Variants in TTLL11 observed in about 807,000 individuals in gnomAD.
TTLL11 encodes tubulin tyrosine ligase like 11.
Under a neutral mutation model 51.7 loss-of-function variants are expected in TTLL11, and 42 were observed. The observed-to-expected ratio is 0.81, with a 90% CI of 0.64 to 1.05. The LOEUF (loss-of-function observed/expected upper bound fraction) is 1.05, where lower values mean the gene tolerates loss of function less well. Among genes scored for constraint, TTLL11 ranks in the 50% least tolerant of loss-of-function variants. TTLL11 has a pLI of 0.00. For missense variants in TTLL11, 799 were observed against 940.4 expected (o/e 0.85, Z 1.97); for synonymous variants, 381 against 383.5 (o/e 0.99, Z 0.08).
At chr9:121,869,333 T>G (rs1352514049) in intron 7 of TTLL11, among the ~76,000 whole-genome samples, 1 of 152,230 alleles carries the variant, frequency 6.6e-6, no homozygotes, top group African/African-American at 2.4e-5. Context: ...ACTCAAGACT[T>G]CTAATTATTT....
intron 3 of TTLL11, among the ~76,000 whole-genome samples, chr9:122,004,855 C>T (rs1048538265): frequency 2.0e-5 from 3 of 152,232 alleles, no homozygotes; most frequent in Non-Finnish European, 4.4e-5. Context: ...TGCCTTCCTA[C>T]TGTAATAAAA....
chr9:121,929,769 C>T (rs73662528), intron 6 of TTLL11, among the ~76,000 whole-genome samples: 11,758 of 152,236 alleles, frequency 0.077, 665 homozygotes, highest in African/African-American at 0.16. Context: ...TTCCGAGGAC[C>T]GGCCCTCTGC....
chr9:122,090,984 AC>A (rs1223397140), intron 1 of TTLL11, among the ~76,000 whole-genome samples: 1 of 152,170 alleles, frequency 6.6e-6, no homozygotes, highest in African/African-American at 2.4e-5. Flanking sequence ...TCCCTATTGA[AC>A]CATGAAGTCC....
chr9:121,823,919 C>T (rs905654971), intron 8 of TTLL11, among the ~76,000 whole-genome samples: 1 of 152,172 alleles, frequency 6.6e-6, no homozygotes, highest in Non-Finnish European at 1.5e-5. Context: ...CTTCCCTGAT[C>T]CCCAGATTAG....
chr9:121,981,592 T>C (rs149307095), intron 4 of TTLL11, among the ~76,000 whole-genome samples: 31 of 152,296 alleles, frequency 2.0e-4, no homozygotes, highest in African/African-American at 7.0e-4. Context: ...TTGTGGAATG[T>C]TTAGAGATTT....
chr9:122,035,610 C>T (rs1844680194), intron 2 of TTLL11, among the ~76,000 whole-genome samples: 1 of 152,216 alleles, frequency 6.6e-6, no homozygotes, highest in Admixed American at 6.5e-5. Context: ...CATATTAGAA[C>T]CACCAAACAA....
intron 1 of TTLL11, among the ~76,000 whole-genome samples, chr9:122,072,843 A>G (rs1202378109): frequency 1.3e-5 from 2 of 151,972 alleles, no homozygotes; most frequent in Non-Finnish European, 2.9e-5. Flanking sequence ...TCCCTGTAAC[A>G]TCGCGCTTCC....
Position 121,860,328 on chromosome 9 carries a change from G to A in TTLL11, c.1840+9C>T, listed in dbSNP as rs558147246. 114 of 1,549,660 alleles carry A rather than the reference G, an allele frequency of 7.4e-5. No homozygotes were observed. The East Asian group carries it at 2.6e-3, about 35-fold the overall frequency. On this transcript the variant is annotated intron_variant, in intron 8 of 8. Coordinates refer to ENST00000321582, the MANE Select transcript of TTLL11 (RefSeq NM_001139442.2). ...CCCACAGGCCATGGCAGAGGCATTT[G>A]TCAAATACCTGAGTCCCGCTGGTCC...
chr9:121,906,664 T>G (rs1041850124), intron 6 of TTLL11, among the ~76,000 whole-genome samples: 1 of 151,776 alleles, frequency 6.6e-6, no homozygotes, highest in African/African-American at 2.4e-5. Context: ...TAGGGCAGGT[T>G]GGAAAGGGAA....
At chr9:121,836,724 A>G (rs1221707919) in intron 8 of TTLL11, among the ~76,000 whole-genome samples, 1 of 152,180 alleles carries the variant, frequency 6.6e-6, no homozygotes, top group African/African-American at 2.4e-5. Context: ...GGGTAGGATG[A>G]CCCAACGTGA....
rs142975889 is a variant in TTLL11 at position 121,918,717 on chromosome 9, A to T, written c.1482-47969T>A. 3.0e-4 allele frequency among the ~76,000 whole-genome samples: 45 copies of T among 152,394 alleles called. No individual in the cohort carries two copies. In the Middle Eastern group the frequency reaches 0.014, roughly 46 times the overall value. ...AATAACCAAACACTGGAAATAACCC[A>T]TGTCATCAATCACAGAATGTAGAAA... On this transcript the variant is annotated intron_variant, in intron 6 of 8. Transcript: ENST00000321582.
At chr9:121,971,062 G>GT (rs1432010458) in intron 6 of TTLL11, among the ~76,000 whole-genome samples, 3 of 148,114 alleles carry the variant, frequency 2.0e-5, no homozygotes, top group African/African-American at 7.5e-5. Context: ...CGTCCGGGAG[G>GT]GAGGTGGGGG....
chr9:121,915,019 G>C (rs1840272698), intron 6 of TTLL11, among the ~76,000 whole-genome samples: 1 of 152,156 alleles, frequency 6.6e-6, no homozygotes, highest in Admixed American at 6.5e-5. Context: ...AGGAACATAT[G>C]CCATTTCATC....
chr9:122,041,264 T>A (rs1844838868), intron 1 of TTLL11, among the ~76,000 whole-genome samples: 1 of 152,238 alleles, frequency 6.6e-6, no homozygotes, highest in Admixed American at 6.5e-5. Context: ...GATTTCATAA[T>A]CCTACCTCTT....
chr9:121,954,523 T>C (rs1257721639), intron 6 of TTLL11, among the ~76,000 whole-genome samples: 1 of 152,226 alleles, frequency 6.6e-6, no homozygotes, highest in Non-Finnish European at 1.5e-5. Flanking sequence ...ACAATCCTAT[T>C]TTTCTTCTTC....
intron 8 of TTLL11, among the ~76,000 whole-genome samples, chr9:121,845,447 G>A (rs1194099215): frequency 6.6e-6 from 1 of 151,846 alleles, no homozygotes; most frequent in Non-Finnish European, 1.5e-5. Flanking sequence ...ATGGGCCAGA[G>A]ACTCAGATCT....
chr9:121,835,888 C>T (rs10760191), intron 8 of TTLL11, among the ~76,000 whole-genome samples: 38,398 of 152,066 alleles, frequency 0.25, 5,266 homozygotes, highest in East Asian at 0.4. Context: ...ATTAATGGCT[C>T]CTATAGAACC....
intron 3 of TTLL11, among the ~76,000 whole-genome samples, chr9:122,017,387 C>T (rs1336039265): frequency 6.6e-6 from 1 of 151,886 alleles, no homozygotes; most frequent in Non-Finnish European, 1.5e-5. Flanking sequence ...TATAAAGATA[C>T]CTGTGCGAGG....
intron 6 of TTLL11, among the ~76,000 whole-genome samples, chr9:121,886,994 T>C (rs1839034453): frequency 1.3e-5 from 2 of 152,090 alleles, no homozygotes; most frequent in South Asian, 2.1e-4. Flanking sequence ...AGCAGAGATG[T>C]TGGTGTCCTT....
Sources: gnomAD v4.1 joint callset for allele counts (sites outside exome capture counted in the v4.1 genomes callset) on GRCh38, gnomAD v4.1.1 for gene constraint, MANE v1.5 for transcripts, NCBI Gene and HGNC (gene_info 2026-07-23, HGNC 2026-07-21) for gene names.